The following CLNK variants were observed in gnomAD, a reference collection of about 807,000 sequenced individuals.
The protein encoded by CLNK is cytokine dependent hematopoietic cell linker.
CLNK carries 74 observed loss-of-function variants against 68.6 expected under a neutral mutation model. That is an observed-to-expected ratio of 1.08 (90% confidence interval 0.89 to 1.31). The LOEUF is 1.31. Among genes scored for constraint, CLNK ranks in the 50% most tolerant of loss-of-function variants. The pLI, the probability that CLNK is intolerant of heterozygous loss-of-function variation, is 0.00. For missense variants in CLNK, 553 were observed against 515.3 expected (o/e 1.07, Z -0.71); for synonymous variants, 198 against 172.2 (o/e 1.15, Z -1.17).
intron 18 of CLNK, among the ~76,000 whole-genome samples, chr4:10,494,660 T>TA: frequency 6.6e-6 from 1 of 152,152 alleles, no homozygotes; most frequent in Admixed American, 6.5e-5. Flanking sequence ...GGTTTCATCA[T>TA]ATTGACCAGG....
At chr4:10,672,787 C>T (rs775600095) in intron 1 of CLNK, among the ~76,000 whole-genome samples, 2 of 152,186 alleles carry the variant, frequency 1.3e-5, no homozygotes, top group Non-Finnish European at 2.9e-5. Flanking sequence ...AGGGAGTGGA[C>T]TTGAGTGTCA....
At chr4:10,569,809 T>G (rs1273955769) in intron 5 of CLNK, among the ~76,000 whole-genome samples, 1 of 152,244 alleles carries the variant, frequency 6.6e-6, no homozygotes, top group Non-Finnish European at 1.5e-5. Context: ...ATGTTCAATC[T>G]GTAAATTGGA....
chr4:10,587,210 C>G (rs1470900610), intron 3 of CLNK, among the ~76,000 whole-genome samples: 1 of 152,202 alleles, frequency 6.6e-6, no homozygotes, highest in Admixed American at 6.5e-5. Flanking sequence ...AGGTGATCCA[C>G]CCGCCTCAGC....
chr4:10,513,394 A>C (rs914967413), intron 16 of CLNK, 70 bp downstream of exon 16: 12 of 1,420,266 alleles, frequency 8.4e-6, no homozygotes, highest in Non-Finnish European at 1.1e-5. Context: ...CCTTTTGGGC[A>C]TTGTTCAGGA....
intron 2 of CLNK, among the ~76,000 whole-genome samples, chr4:10,634,806 G>A (rs1723018357): frequency 6.9e-6 from 1 of 145,656 alleles, no homozygotes; most frequent in Non-Finnish European, 1.5e-5. Flanking sequence ...TAGAGGTGAG[G>A]AAGGATCTGA....
chr4:10,672,661 C>G lies in CLNK; in HGVS notation c.-42-4750G>C, dbSNP rs552023297. Among the ~76,000 whole-genome samples the G allele has an allele frequency of 9.2e-5, 14 of 152,218 alleles. No homozygotes were observed. The South Asian group carries it at 2.9e-3, about 32-fold the overall frequency. ...GTACCCGCCTATGCTTTGGAATTAT[C>G]TGGAAACCTTAAAAAATATAATGTC... is the stretch of plus-strand genomic sequence containing the variant. On this transcript the variant is annotated intron_variant, in intron 1 of 18. Transcript: ENST00000226951.
intron 8 of CLNK, among the ~76,000 whole-genome samples, chr4:10,546,237 C>A (rs1456700996): frequency 6.6e-6 from 1 of 152,172 alleles, no homozygotes; most frequent in Non-Finnish European, 1.5e-5. Flanking sequence ...CACTCTACTT[C>A]TCTTTTAATT....
chr4:10,575,412 A>G (rs1355582200), intron 4 of CLNK, among the ~76,000 whole-genome samples: 2 of 152,310 alleles, frequency 1.3e-5, no homozygotes, highest in South Asian at 2.1e-4. Flanking sequence ...TGTGTCTGAA[A>G]TGTCATCTCC....
intron 14 of CLNK, among the ~76,000 whole-genome samples, chr4:10,525,097 C>T (rs1718249250): frequency 6.6e-6 from 1 of 152,208 alleles, no homozygotes; most frequent in East Asian, 1.9e-4. Context: ...TAGAGTGTCA[C>T]TCTGTCGCCC....
At chr4:10,703,051 T>C in the CLNK span, among the ~76,000 whole-genome samples, 6 of 152,134 alleles carry the variant, frequency 3.9e-5, no homozygotes, top group Non-Finnish European at 7.3e-5. Flanking sequence ...AGGGCAGCAT[T>C]CAGCGCAGAG....
chr4:10,620,534 G>A (rs1276567380), intron 2 of CLNK, among the ~76,000 whole-genome samples: 5 of 152,156 alleles, frequency 3.3e-5, no homozygotes, highest in Non-Finnish European at 7.3e-5. Context: ...TCCTCCAAGA[G>A]CATGCAGCAT....
At chr4:10,679,547 G>A (rs1725010965) in intron 1 of CLNK, among the ~76,000 whole-genome samples, 2 of 152,162 alleles carry the variant, frequency 1.3e-5, no homozygotes, top group African/African-American at 4.8e-5. Flanking sequence ...CTCCTGCACT[G>A]CAAAAGAAAC....
intron 2 of CLNK, among the ~76,000 whole-genome samples, chr4:10,603,009 A>T (rs1225271832): frequency 1.3e-5 from 2 of 152,148 alleles, no homozygotes; most frequent in Non-Finnish European, 2.9e-5. Flanking sequence ...CATCTTAGTT[A>T]TTCCCCTCTA....
chr4:10,667,751 C>T (rs982652470), intron 2 of CLNK, 108 bp downstream of exon 2: 2 of 1,045,968 alleles, frequency 1.9e-6, no homozygotes, highest in Non-Finnish European at 2.7e-6. Flanking sequence ...AATCCCTTTT[C>T]CATGGGCGGC....
intron 2 of CLNK, among the ~76,000 whole-genome samples, chr4:10,667,203 C>T (rs1180728619): frequency 3.9e-5 from 6 of 152,198 alleles, no homozygotes; most frequent in Non-Finnish European, 8.8e-5. Context: ...CTAATACTAT[C>T]ACTCTGCTTT....
intron 2 of CLNK, among the ~76,000 whole-genome samples, chr4:10,653,717 G>T (rs1235487207): frequency 2.0e-5 from 3 of 152,106 alleles, no homozygotes; most frequent in African/African-American, 7.2e-5. Context: ...TATCAAAAAT[G>T]AAATGAAAAT....
chr4:10,592,261 T>C (rs1721206262), intron 3 of CLNK, among the ~76,000 whole-genome samples: 1 of 152,234 alleles, frequency 6.6e-6, no homozygotes, highest in Non-Finnish European at 1.5e-5. Context: ...GCTATAGTCC[T>C]GTTCCTATAA....
At chr4:10,518,248 T>C (rs944920389) in intron 15 of CLNK, among the ~76,000 whole-genome samples, 3 of 152,134 alleles carry the variant, frequency 2.0e-5, no homozygotes, top group Non-Finnish European at 2.9e-5. Context: ...TTCTTATGCA[T>C]TATAGATTAA....
Position 10,490,582 on chromosome 4 carries a change from T to A in CLNK, c.1172A>T (p.His391Leu). The A allele has an allele frequency of 6.3e-7, 1 of 1,580,460 alleles. No individual in the cohort carries two copies. The highest frequency in any genetic ancestry group is 1.2e-5 in the South Asian group (1 of 86,466). The change falls in exon 19 of 19, where the codon CAC becomes CTC. Residue 391 changes from histidine (H) to leucine (L), a missense_variant. His to Leu is a moderately conservative substitution (Grantham distance 99). Coordinates refer to ENST00000226951, the MANE Select transcript of CLNK (RefSeq NM_052964.4). ...KFDSVEDIIE[H>L]YKNFPIILID... ...TAGTATAATGGGAAAATTCTTGTAG[T>A]GTTCGATGATGTCTTCTACTGAATC...
Sources: allele counts gnomAD v4.1 joint callset (sites outside exome capture counted in the v4.1 genomes callset), GRCh38; gene constraint gnomAD v4.1.1; transcripts MANE v1.5; gene names NCBI Gene and HGNC (gene_info 2026-07-23, HGNC 2026-07-21).